Variants in RBBP8NL observed in about 807,000 individuals in gnomAD.
RBBP8NL encodes RBBP8 N-terminal like, also known as RBBP8 N-terminal-like protein.
Under a neutral mutation model 62.2 loss-of-function variants are expected in RBBP8NL, and 59 were observed. The ratio of observed to expected loss-of-function variants is 0.95; its 90% CI spans 0.77 to 1.18. The LOEUF (loss-of-function observed/expected upper bound fraction) is 1.18. Among genes scored for constraint, RBBP8NL ranks in the 50% most tolerant of loss-of-function variants. RBBP8NL has a pLI of 0.00. For missense variants in RBBP8NL, 896 were observed against 899.5 expected (o/e 1.00, Z 0.05); for synonymous variants, 412 against 394.1 (o/e 1.05, Z -0.54).
intron 1 of RBBP8NL, among the ~76,000 whole-genome samples, chr20:62,427,019 C>G (rs996192173): frequency 6.6e-6 from 1 of 152,220 alleles, no homozygotes; most frequent in Non-Finnish European, 1.5e-5. Flanking sequence ...AGAGGAGTCC[C>G]CTGCTCAGTG....
chr20:62,414,102 T>G lies in RBBP8NL; in HGVS notation c.1249A>C (p.Thr417Pro). The G allele has an allele frequency of 6.3e-7, 1 of 1,592,972 alleles. No individual in the cohort carries two copies. Among genetic ancestry groups the G allele is most frequent in the South Asian group, 1.1e-5 (1 of 88,124 alleles). ...GCGCGGCCCGGGCCTGCAGGCTGTGTGTGCCGCCCTCCAGACAGGCCTGCT... is the reference window on the plus strand; with the variant it reads ...GCGCGGCCCGGGCCTGCAGGCTGTGGGTGCCGCCCTCCAGACAGGCCTGCT... ...AAAGLSGGRH[T>P]QPAGPGRAQR... The change falls in exon 10 of 14, where the codon ACA (threonine) becomes CCA (proline). Residue 417 changes from threonine (T) to proline (P), a missense_variant. Physicochemically the swap from Thr to Pro is conservative, Grantham distance 38. Transcript: ENST00000252998.
At position 62,419,649 on chromosome 20, in the gene RBBP8NL, G is replaced by T; in HGVS notation, c.-2C>A. The T allele has an allele frequency of 6.2e-7, 1 of 1,612,890 alleles. No homozygotes were observed. ...CAGCGACTCCATGAAGCTCTCCATG[G>T]CTCCCTGTGGCCCTGGCCCGGGCCC... is the stretch of plus-strand genomic sequence containing the variant. On this transcript the variant is annotated 5_prime_UTR_variant, in exon 2 of 14. Coordinates refer to ENST00000252998, the MANE Select transcript of RBBP8NL (RefSeq NM_080833.3).
chr20:62,411,068 G>GTGA, intron 13 of RBBP8NL, 72 bp from the exon 14 acceptor site: 13 of 979,770 alleles, frequency 1.3e-5, no homozygotes, highest in Non-Finnish European at 2.1e-5. Flanking sequence ...TCTCACCTAG[G>GTGA]GCCTCCTGGG....
At chr20:62,416,352 G>T (rs966849515) in intron 5 of RBBP8NL, 116 bp from the exon 6 acceptor site, 2 of 936,428 alleles carry the variant, frequency 2.1e-6, no homozygotes, top group Non-Finnish European at 1.7e-6. Context: ...GTAGCCCAGG[G>T]CCTGGCAGGC....
chr20:62,413,727 G>A (rs998611129), intron 10 of RBBP8NL, 94 bp downstream of exon 10: 5 of 1,458,054 alleles, frequency 3.4e-6, no homozygotes, highest in African/African-American at 1.4e-5. Flanking sequence ...GTGGGCAGAG[G>A]GAAAAGAGCA....
chr20:62,422,561 G>C (rs1988724248), intron 1 of RBBP8NL, among the ~76,000 whole-genome samples: 1 of 147,296 alleles, frequency 6.8e-6, no homozygotes, highest in Non-Finnish European at 1.5e-5. Flanking sequence ...GGTGGGGACG[G>C]GGACTGGGGT....
intron 11 of RBBP8NL, 115 bp from the exon 12 acceptor site, chr20:62,413,015 G>T: frequency 8.2e-7 from 1 of 1,221,686 alleles, no homozygotes; most frequent in Non-Finnish European, 1.2e-6. Flanking sequence ...GAGGCACGGA[G>T]GGCCAAGTGA....
intron 3 of RBBP8NL, among the ~76,000 whole-genome samples, chr20:62,418,145 C>T (rs1988622818): frequency 2.0e-5 from 3 of 152,216 alleles, no homozygotes; most frequent in African/African-American, 2.4e-5. Flanking sequence ...TCACCGTGAA[C>T]GTATTGTTGA....
At chr20:62,418,525 C>A in intron 2 of RBBP8NL, 60 bp from the exon 3 acceptor site, 1 of 1,469,634 alleles carries the variant, frequency 6.8e-7, no homozygotes, top group East Asian at 2.5e-5. Flanking sequence ...CCTTCAGTGT[C>A]CCCACCACGG....
At chr20:62,415,488 G>A in intron 8 of RBBP8NL, 90 bp downstream of exon 8, 3 of 1,462,900 alleles carry the variant, frequency 2.1e-6, no homozygotes, top group Non-Finnish European at 1.9e-6. Context: ...AGGCGCATGA[G>A]AGGCTGGCAT....
chr20:62,423,473 AG>A (rs1286248969), intron 1 of RBBP8NL, among the ~76,000 whole-genome samples: 1 of 152,176 alleles, frequency 6.6e-6, no homozygotes, highest in Non-Finnish European at 1.5e-5. Context: ...GAGGAGGGCC[AG>A]GAGGGGGCGG....
At chr20:62,425,394 T>C (rs1253978209) in intron 1 of RBBP8NL, among the ~76,000 whole-genome samples, 2 of 152,164 alleles carry the variant, frequency 1.3e-5, no homozygotes, top group Non-Finnish European at 2.9e-5. Context: ...CACTCATCCT[T>C]GGACGGCTGC....
intron 1 of RBBP8NL, among the ~76,000 whole-genome samples, chr20:62,423,616 C>G (rs986592490): frequency 6.6e-6 from 1 of 152,186 alleles, no homozygotes; most frequent in African/African-American, 2.4e-5. Flanking sequence ...GCCTGCGGGC[C>G]TGGGAGAGGT....
intron 3 of RBBP8NL, 92 bp downstream of exon 3, chr20:62,418,331 G>C: frequency 8.2e-7 from 1 of 1,226,460 alleles, no homozygotes; most frequent in Non-Finnish European, 1.2e-6. Flanking sequence ...CTGCACCATA[G>C]GACGGTGGTA....
chr20:62,412,635 G>T lies in RBBP8NL; in HGVS notation c.1865C>A (p.Pro622His). 1.9e-6 allele frequency: 3 copies of T among 1,604,858 alleles called. No individual in the cohort carries two copies. Among genetic ancestry groups the T allele is most frequent in the Non-Finnish European group, 2.5e-6 (3 of 1,179,860 alleles). The change falls in exon 13 of 14, where the codon CCT becomes CAT. Residue 622 changes from proline to histidine, a missense_variant. Pro to His is a moderately conservative substitution (Grantham distance 77). Coordinates refer to ENST00000252998, the MANE Select transcript of RBBP8NL (RefSeq NM_080833.3). ...PPRKRKRASEPGDKASKKPSR... is the reference protein window; with the variant it reads ...PPRKRKRASEHGDKASKKPSR... ...CATGCCAGCTGTACCTTTGTCCCCA[G>T]GCTCCGAGGCCCGCTTCCTCTTCCG... is the stretch of plus-strand genomic sequence containing the variant.
At chr20:62,412,566 G>T in intron 13 of RBBP8NL, 58 bp downstream of exon 13, 1 of 1,578,188 alleles carries the variant, frequency 6.3e-7, no homozygotes, top group Non-Finnish European at 8.6e-7. Flanking sequence ...ACTGGGGAGA[G>T]GTGGGTGCTG....
rs774895356 is a variant in RBBP8NL at position 62,415,843 on chromosome 20, C to T, written c.489G>A (p.Pro163=). 3.2e-5 allele frequency: 51 copies of T among 1,612,160 alleles called. No individual in the cohort carries two copies. The highest frequency in any genetic ancestry group is 2.3e-4 in the Admixed American group (14 of 59,984). Residue 163 remains proline (P), a synonymous_variant, in exon 7 of 14, where the codon CCG becomes CCA. Coordinates refer to ENST00000252998, the MANE Select transcript of RBBP8NL (RefSeq NM_080833.3). ...CTTCCTCAGCCTCCTCGTGGCCTCC[C>T]GGTGGCTTCTCTGTGATGGCCTTCC... ...GGWKAITEKP[P]GGHEEAEEDH... is the part of the protein sequence containing the mutation.
At chr20:62,411,724 C>T (rs1468784366) in intron 13 of RBBP8NL, among the ~76,000 whole-genome samples, 2 of 152,274 alleles carry the variant, frequency 1.3e-5, no homozygotes, top group African/African-American at 4.8e-5. Context: ...CTGCCAGCGT[C>T]CCTGGTCCCG....
At chr20:62,417,968 C>T (rs539437516) in intron 3 of RBBP8NL, among the ~76,000 whole-genome samples, 13 of 134,244 alleles carry the variant, frequency 9.7e-5, no homozygotes, top group African/African-American at 4.1e-4. Flanking sequence ...TGACGTCTGT[C>T]CTGTCCACAC....
Sources: gnomAD v4.1 joint callset for allele counts (sites outside exome capture counted in the v4.1 genomes callset) on GRCh38, gnomAD v4.1.1 for gene constraint, MANE v1.5 for transcripts, NCBI Gene and HGNC (gene_info 2026-07-23, HGNC 2026-07-21) for gene names.